ATP13A3: variants seen among roughly 807,000 people sequenced by gnomAD.
The protein encoded by ATP13A3 is polyamine-transporting ATPase 13A3.
ATP13A3 carries 59 observed loss-of-function variants against 158.1 expected under a neutral mutation model. The observed-to-expected ratio is 0.37, with a 90% CI of 0.30 to 0.46. The LOEUF (loss-of-function observed/expected upper bound fraction) is 0.46, where lower values mean the gene tolerates loss of function less well. ATP13A3 is among the 20% of genes least tolerant of loss of function. The pLI is 1.00. For synonymous variants in ATP13A3, 491 were observed against 504.3 expected, an observed-to-expected ratio of 0.97 and a Z score of 0.35; for missense variants, 1,166 against 1,525.2, an observed-to-expected ratio of 0.76 and a Z score of 3.92.
At chr3:194,441,246 G>T in intron 16 of ATP13A3, 65 bp downstream of exon 16, 1 of 1,295,516 alleles carries the variant, frequency 7.7e-7, no homozygotes, top group Non-Finnish European at 1.1e-6. Context: ...ATCCTTGTAT[G>T]AGGTAATTTA....
In ATP13A3 at chr3:194,403,979, G is replaced by C; in HGVS notation, c.*1940C>G. 5.4e-6 allele frequency: 2 copies of C among 372,444 alleles called. No homozygotes were observed. The highest frequency in any genetic ancestry group is 1.1e-5 in the Non-Finnish European group (2 of 190,204). The allele number at this position is 372,444 out of a possible 1,614,324, so 23.1% of individuals were successfully genotyped here. ...GCTCTTAAAGATGTTAAATACAATC[G>C]GATAATTGAATTTTTAAGCTGCTAC... On this transcript the variant is annotated 3_prime_UTR_variant, in exon 34 of 34. Transcript: ENST00000645319.
intron 6 of ATP13A3, 174 bp downstream of exon 6, chr3:194,459,297 T>C: frequency 1.7e-6 from 1 of 593,942 alleles, no homozygotes; most frequent in South Asian, 2.0e-5. Flanking sequence ...GTGGGACTTA[T>C]TTTAAAATGG....
chr3:194,431,584 CTG>C, intron 22 of ATP13A3, 131 bp downstream of exon 22: 1 of 932,110 alleles, frequency 1.1e-6, no homozygotes, highest in South Asian at 2.5e-5. Context: ...AACATAATCT[CTG>C]AAAAAATAGC....
Position 194,494,139 on chromosome 3 carries a change from C to A in ATP13A3, n.657G>T, listed in dbSNP as rs537144138. 2 of 398,540 alleles carry A rather than the reference C, an allele frequency of 5.0e-6. No homozygotes were observed. Among genetic ancestry groups the A allele is most frequent in the East Asian group, 7.1e-5 (2 of 28,072 alleles). The allele number at this position is 398,540 out of a possible 1,614,324, so 24.7% of individuals were successfully genotyped here. On this transcript the variant is annotated non_coding_transcript_exon_variant, in exon 2 of 33. Coordinates refer to the ATP13A3 transcript ENST00000687055. The surrounding 1 kb of genome is among the most constrained non-coding windows in gnomAD (Gnocchi z 4.2). ...AACCAAATGAAGCCAGAGTGATTCA[C>A]CAGAATGAGTTCATCTCGCATCAAA...
intron 21 of ATP13A3, chr3:194,432,150 TC>T: frequency 5.2e-6 from 2 of 385,422 alleles, no homozygotes; most frequent in Non-Finnish European, 4.6e-6. Flanking sequence ...TAATTCTCAA[TC>T]TTTTCCAGTC....
chr3:194,492,661 G>A (rs1721159885), intron 2 of ATP13A3, among the ~76,000 whole-genome samples: 2 of 152,044 alleles, frequency 1.3e-5, no homozygotes, highest in African/African-American at 4.8e-5. Context: ...TCACCATGTT[G>A]GCCAGGCTGG....
chr3:194,442,331 C>T (rs1394759565), intron 15 of ATP13A3, among the ~76,000 whole-genome samples: 2 of 152,172 alleles, frequency 1.3e-5, no homozygotes, highest in Non-Finnish European at 1.5e-5. Context: ...GGGGCAGTGG[C>T]TGATGCCTGT....
Position 194,460,059 on chromosome 3 carries a change from T to C in ATP13A3, c.226-88A>G, listed in dbSNP as rs1415813548. ...TTTATTTTCCATTCTTTACAAGACA[T>C]TATTTCCTCATCTCTAATTGAGGAA... On this transcript the variant is annotated intron_variant, in intron 4 of 33. Coordinates refer to ENST00000645319, the MANE Select transcript of ATP13A3 (RefSeq NM_001367549.1). 2.7e-6 allele frequency: 3 copies of C among 1,091,206 alleles called. No homozygotes were observed. The African/African-American group carries it at 4.8e-5, about 17-fold the overall frequency. 67.6% of individuals were successfully genotyped at this position (1,091,206 alleles called of 1,614,324 possible).
chr3:194,438,019 G>C (rs1037112949), intron 17 of ATP13A3, among the ~76,000 whole-genome samples: 1 of 152,148 alleles, frequency 6.6e-6, no homozygotes. Context: ...AATTAGCCGG[G>C]TGTGGTGGCG....
chr3:194,410,117 C>T (rs1715252253), intron 33 of ATP13A3, among the ~76,000 whole-genome samples: 1 of 151,478 alleles, frequency 6.6e-6, no homozygotes, highest in Admixed American at 6.6e-5. Flanking sequence ...CACTCTCTAC[C>T]TTCACTCTCC....
intron 2 of ATP13A3, 116 bp from the exon 3 acceptor site, chr3:194,462,352 C>T (rs1261047473): frequency 4.6e-6 from 3 of 653,774 alleles, no homozygotes; most frequent in Non-Finnish European, 8.0e-6. Context: ...GGGTCACGGA[C>T]CTGTTAGGAA....
At chr3:194,450,384 G>A in intron 10 of ATP13A3, 108 bp from the exon 11 acceptor site, 1 of 1,098,496 alleles carries the variant, frequency 9.1e-7, no homozygotes, top group Non-Finnish European at 1.3e-6. Context: ...AGTTTATAAT[G>A]GGGTAAAATA....
At chr3:194,421,114 G>GTATATATA (rs1553796302) in intron 30 of ATP13A3, among the ~76,000 whole-genome samples, 7 of 8,110 alleles carry the variant, frequency 8.6e-4, no homozygotes, top group African/African-American at 3.4e-3. Flanking sequence ...TGTGTAGGGT[G>GTATATATA]TATATATATA....
chr3:194,446,843 T>C (rs1428387043), intron 14 of ATP13A3, 84 bp downstream of exon 14: 2 of 1,316,598 alleles, frequency 1.5e-6, no homozygotes, highest in African/African-American at 3.0e-5. Context: ...TCCAAATTTG[T>C]TGACAAAGAA....
intron 2 of ATP13A3, among the ~76,000 whole-genome samples, chr3:194,483,919 A>G (rs1446429589): frequency 6.6e-6 from 1 of 152,254 alleles, no homozygotes; most frequent in Non-Finnish European, 1.5e-5. Context: ...GATGAGTACA[A>G]CATATCTAAG....
At position 194,476,895 on chromosome 3, in the gene ATP13A3, C is replaced by T. The variant is rs183242216; in HGVS notation, c.-47+8899G>A. Among the ~76,000 whole-genome samples, 326 of 151,868 alleles carry T rather than the reference C, an allele frequency of 2.1e-3. 1 individual carries two copies. Among genetic ancestry groups the T allele is most frequent in the Non-Finnish European group, 3.6e-3 (244 of 67,992 alleles). ...ATTTCCCTGCCATGAGGAACTGGGGCGGAAGGGAGCCTCAACTGGGTTCCA... is the reference window on the plus strand; with the variant it reads ...ATTTCCCTGCCATGAGGAACTGGGGTGGAAGGGAGCCTCAACTGGGTTCCA... On this transcript the variant is annotated intron_variant, in intron 2 of 33. Coordinates refer to ENST00000645319, the MANE Select transcript of ATP13A3 (RefSeq NM_001367549.1).
chr3:194,451,182 T>C (rs1718781643), intron 10 of ATP13A3: 1 of 152,202 alleles, frequency 6.6e-6, no homozygotes, highest in Admixed American at 6.5e-5. Context: ...AAAAAGGAAG[T>C]AATTTACTAA....
At chr3:194,455,291 AT>A (rs1719145262) in intron 8 of ATP13A3, among the ~76,000 whole-genome samples, 1 of 152,174 alleles carries the variant, frequency 6.6e-6, no homozygotes, top group Non-Finnish European at 1.5e-5. Context: ...TATTTTATCA[AT>A]TTCATTAAAC....
At chr3:194,472,577 T>C (rs1160912027) in intron 2 of ATP13A3, among the ~76,000 whole-genome samples, 1 of 152,144 alleles carries the variant, frequency 6.6e-6, no homozygotes, top group Non-Finnish European at 1.5e-5. Flanking sequence ...TCAAGAATGA[T>C]TAAAGATGAG....
Sources: allele counts gnomAD v4.1 joint callset (sites outside exome capture counted in the v4.1 genomes callset), GRCh38; gene constraint gnomAD v4.1.1; non-coding constraint Gnocchi (gnomAD v3.1); transcripts MANE v1.5; gene names NCBI Gene and HGNC (gene_info 2026-07-23, HGNC 2026-07-21).